Variants in MRPL18 observed in about 807,000 individuals in gnomAD.
MRPL18 encodes the protein mitochondrial ribosomal protein L18.
Under a neutral mutation model 20.9 loss-of-function variants are expected in MRPL18, and 16 were observed. The observed-to-expected ratio is 0.76, with a 90% CI of 0.52 to 1.16. The LOEUF (loss-of-function observed/expected upper bound fraction) is 1.16. Ranked by LOEUF, MRPL18 falls within the 50% of genes most tolerant of loss-of-function variation. The pLI, the probability that MRPL18 is intolerant of heterozygous loss-of-function variation, is 0.00. For synonymous variants in MRPL18, 91 were observed against 87.1 expected (o/e 1.04, Z -0.25); for missense variants, 233 against 230.6 (o/e 1.01, Z -0.07).
chr6:159,796,817 G>A (rs1781039999), intron 2 of MRPL18, among the ~76,000 whole-genome samples: 1 of 152,116 alleles, frequency 6.6e-6, no homozygotes, highest in African/African-American at 2.4e-5. Context: ...ATGGTTTGAT[G>A]TCATATTTAA....
chr6:159,797,152 C>A (rs1490629382), intron 2 of MRPL18, 135 bp from the exon 3 acceptor site: 4 of 845,596 alleles, frequency 4.7e-6, no homozygotes, highest in South Asian at 1.8e-5. Flanking sequence ...CAAGCAAAAT[C>A]CAAGTTAAAT....
At position 159,790,476 on chromosome 6, in the gene MRPL18, GGGATCT is replaced by G. The variant is rs1200016200; in HGVS notation, c.-111_-106del. 3.5e-6 allele frequency: 5 copies of G among 1,430,236 alleles called. No individual in the cohort carries two copies. The highest frequency in any genetic ancestry group is 1.8e-4 in the Middle Eastern group (1 of 5,540). 88.6% of individuals were successfully genotyped at this position (1,430,236 alleles called of 1,614,324 possible). ...GGTGGCGTCTGGCGTGGAGAGTTTG[GGGATCT>G]ACAGCAGCCAAAGGCTTGTCCCTGA... On this transcript the variant is annotated 5_prime_UTR_variant, in exon 1 of 4. Coordinates refer to ENST00000367034, the MANE Select transcript of MRPL18 (RefSeq NM_014161.5).
chr6:159,793,341 G>A (rs974507810), intron 2 of MRPL18, among the ~76,000 whole-genome samples: 1 of 150,666 alleles, frequency 6.6e-6, no homozygotes, highest in African/African-American at 2.4e-5. Flanking sequence ...AAGGTAGATT[G>A]TGAGCTAAAA....
intron 2 of MRPL18, among the ~76,000 whole-genome samples, chr6:159,796,045 A>T (rs562029701): frequency 7.9e-5 from 12 of 151,954 alleles, no homozygotes; most frequent in Admixed American, 3.9e-4. Context: ...TCAGCCTTCC[A>T]AAGTGCTGGG....
intron 2 of MRPL18, among the ~76,000 whole-genome samples, chr6:159,793,363 CT>C (rs34648343): frequency 0.48 from 71,721 of 150,844 alleles, 17,975 homozygotes; most frequent in Non-Finnish European, 0.55. Context: ...CTTGTTTTTA[CT>C]TTTTTTAAGT....
chr6:159,794,352 TTTTC>T (rs1780980838), intron 2 of MRPL18, among the ~76,000 whole-genome samples: 1 of 152,166 alleles, frequency 6.6e-6, no homozygotes, highest in Admixed American at 6.5e-5. Flanking sequence ...GTTTTAATCT[TTTTC>T]AAGTTACTTA....
intron 2 of MRPL18, among the ~76,000 whole-genome samples, chr6:159,795,390 T>A (rs145755126): frequency 0.022 from 3,324 of 152,314 alleles, 133 homozygotes; most frequent in African/African-American, 0.076. Flanking sequence ...TAGGCAGAGG[T>A]CCCTGCGGCC....
chr6:159,796,999 CTCTG>C (rs1264065673), intron 2 of MRPL18, among the ~76,000 whole-genome samples: 1 of 126,620 alleles, frequency 7.9e-6, no homozygotes, highest in African/African-American at 2.6e-5. Flanking sequence ...AGTAACTTAG[CTCTG>C]TCTCTTCAAA....
chr6:159,797,104 A>C (rs1167909715), intron 2 of MRPL18, among the ~76,000 whole-genome samples, 183 bp from the exon 3 acceptor site: 1 of 152,242 alleles, frequency 6.6e-6, no homozygotes, highest in Non-Finnish European at 1.5e-5. Context: ...GTTATTATTG[A>C]GGATATTCTC....
At chr6:159,792,008 TTTAATGAACAC>T (rs1271212031) in intron 2 of MRPL18, among the ~76,000 whole-genome samples, 1 of 152,240 alleles carries the variant, frequency 6.6e-6, no homozygotes, top group Non-Finnish European at 1.5e-5. Context: ...AAGGTGGTTG[TTTAATGAACAC>T]TTACATTTGC....
intron 2 of MRPL18, among the ~76,000 whole-genome samples, chr6:159,795,728 G>C (rs539824276): frequency 6.6e-6 from 1 of 152,164 alleles, no homozygotes; most frequent in African/African-American, 2.4e-5. Context: ...AATTATAGGA[G>C]GCTTTTAACA....
upstream of MRPL18, chr6:159,790,392 A>C (rs2273825): frequency 0.73 from 488,782 of 669,248 alleles, 181,400 homozygotes; most frequent in Admixed American, 0.79. Context: ...ATTGGCGATG[A>C]AGGATAACAG....
rs111895545 is a variant in MRPL18, at chr6:159,790,577, T to C, written c.-11T>C. The C allele has an allele frequency of 3.5e-4, 567 of 1,612,136 alleles. 3 individuals are homozygous for C. The African/African-American group carries it at 6.6e-3, about 19-fold the overall frequency. On this transcript the variant is annotated 5_prime_UTR_variant, in exon 1 of 4. Coordinates refer to ENST00000367034, the MANE Select transcript of MRPL18 (RefSeq NM_014161.5). Reference sequence around the variant, plus strand: ...AAAAAGAGGCGAGGCTTTTCCGAGATCGTCTCAGCGATGGCGCTTCGGTCG... The same window carrying C: ...AAAAAGAGGCGAGGCTTTTCCGAGACCGTCTCAGCGATGGCGCTTCGGTCG...
At chr6:159,791,847 G>T (rs908451313) in intron 2 of MRPL18, among the ~76,000 whole-genome samples, 1 of 152,138 alleles carries the variant, frequency 6.6e-6, no homozygotes, top group Admixed American at 6.5e-5. Context: ...GGAGGTTGCA[G>T]TGAGCTGAGC....
intron 1 of MRPL18, 150 bp from the exon 2 acceptor site, chr6:159,790,790 C>A: frequency 7.3e-7 from 1 of 1,363,588 alleles, no homozygotes; most frequent in South Asian, 1.3e-5. Flanking sequence ...AGGACGGGGT[C>A]AGTGCTGACT....
At chr6:159,793,684 C>T (rs1194090559) in intron 2 of MRPL18, among the ~76,000 whole-genome samples, 10 of 152,018 alleles carry the variant, frequency 6.6e-5, no homozygotes, top group Non-Finnish European at 1.3e-4. Context: ...TCGAGGCGGG[C>T]GGATCACGAG....
chr6:159,791,707 C>T (rs535041428), intron 2 of MRPL18, among the ~76,000 whole-genome samples: 3 of 152,214 alleles, frequency 2.0e-5, no homozygotes, highest in African/African-American at 7.2e-5. Flanking sequence ...GAGTTTGAGA[C>T]CAACCTGGCC....
upstream of MRPL18, among the ~76,000 whole-genome samples, chr6:159,790,276 G>A (rs1317223819): frequency 1.3e-5 from 2 of 152,162 alleles, no homozygotes; most frequent in Non-Finnish European, 2.9e-5. Flanking sequence ...GGTTTTGTGG[G>A]GTGTGTGCCT....
Position 159,798,246 on chromosome 6 carries a change from T to A in MRPL18, c.*123T>A. On this transcript the variant is annotated 3_prime_UTR_variant, in exon 4 of 4. Coordinates refer to ENST00000367034, the MANE Select transcript of MRPL18 (RefSeq NM_014161.5). ...TTACAGCAATAATGTTGCAGTGGAA[T>A]ATTATTTGTAGTTAAGGTCATCCTC... is the stretch of plus-strand genomic sequence containing the variant. 1.4e-6 allele frequency: 1 copy of A among 727,038 alleles called. No individual in the cohort carries two copies. The highest frequency in any genetic ancestry group is 2.2e-6 in the Non-Finnish European group (1 of 448,408). The allele number at this position is 727,038 out of a possible 1,614,324, so 45.0% of individuals were successfully genotyped here. A position where few individuals can be genotyped will look rare whatever the true frequency, so the allele number is the denominator to read the frequency against.
Sources: allele counts gnomAD v4.1 joint callset (sites outside exome capture counted in the v4.1 genomes callset), GRCh38; gene constraint gnomAD v4.1.1; transcripts MANE v1.5; gene names NCBI Gene and HGNC (gene_info 2026-07-23, HGNC 2026-07-21).